The following SFI1 variants were observed in gnomAD, a reference collection of about 807,000 sequenced individuals.
The protein encoded by SFI1 is SFI1 centrin binding protein.
A neutral mutation model predicts 207.5 loss-of-function variants in SFI1; 195 were observed. That is an observed-to-expected ratio of 0.94 (90% CI 0.84 to 1.06). SFI1 has a LOEUF of 1.06. Among genes scored for constraint, SFI1 ranks in the 50% least tolerant of loss-of-function variants. The probability of loss-of-function intolerance (pLI) is 0.00; values close to 1 mark genes in which losing one functional copy is unlikely to be tolerated. For synonymous variants in SFI1, 630 were observed against 598.9 expected (o/e 1.05, Z -0.76); for missense variants, 1,634 against 1,588.0 (o/e 1.03, Z -0.49).
intron 8 of SFI1, among the ~76,000 whole-genome samples, chr22:31,569,451 G>A (rs1012839927): frequency 6.6e-6 from 1 of 152,110 alleles, no homozygotes; most frequent in African/African-American, 2.4e-5. Context: ...GGGGTCAGAG[G>A]AACAAGTTAA....
At chr22:31,498,742 A>G (rs1435589520) in intron 1 of SFI1, among the ~76,000 whole-genome samples, 2 of 152,098 alleles carry the variant, frequency 1.3e-5, no homozygotes, top group Non-Finnish European at 2.9e-5. Flanking sequence ...GGAGGAAGTA[A>G]CTGCAGATAT....
At chr22:31,501,920 C>A (rs1185038561) in intron 1 of SFI1, among the ~76,000 whole-genome samples, 1 of 152,052 alleles carries the variant, frequency 6.6e-6, no homozygotes, top group Non-Finnish European at 1.5e-5. Context: ...AGCACATTAG[C>A]TTCATTGACA....
chr22:31,519,225 AC>A (rs2056903260), intron 2 of SFI1, among the ~76,000 whole-genome samples: 2 of 151,804 alleles, frequency 1.3e-5, no homozygotes, highest in South Asian at 4.2e-4. Flanking sequence ...AGGAATTAAG[AC>A]TGAAAACCAG....
chr22:31,555,134 T>C (rs2061035704), intron 6 of SFI1, among the ~76,000 whole-genome samples: 1 of 129,488 alleles, frequency 7.7e-6, no homozygotes, highest in African/African-American at 3.3e-5. Flanking sequence ...TACATTCTGC[T>C]GTCTTATTTA....
chr22:31,611,643 C>T, intron 23 of SFI1, 123 bp from the exon 24 acceptor site: 1 of 986,904 alleles, frequency 1.0e-6, no homozygotes, highest in South Asian at 1.6e-5. Context: ...CCCCTGGCAC[C>T]ATCCAGGACT....
At chr22:31,616,489 G>A (rs1018064475) in intron 29 of SFI1, 2 of 423,840 alleles carry the variant, frequency 4.7e-6, no homozygotes, top group East Asian at 3.8e-5. Context: ...GGCAGTGGAG[G>A]CGTGAGGCGG....
At chr22:31,550,202 C>T (rs899964251) in intron 5 of SFI1, 52 bp from the exon 6 acceptor site, 125 of 1,478,084 alleles carry the variant, frequency 8.5e-5, no homozygotes, top group South Asian at 6.5e-4. Flanking sequence ...TGAGCCACCG[C>T]GCCCGGCCTG....
Position 31,546,966 on chromosome 22 carries a change from C to G in SFI1, c.444C>G (p.His148Gln). Reference sequence around the variant, plus strand: ...AACTCTGTGTTCGAGCTGACTGTCACTACAGGTCAGGTTTCATGTTACACT... The same window carrying G: ...AACTCTGTGTTCGAGCTGACTGTCAGTACAGGTCAGGTTTCATGTTACACT... ...EWKLCVRADCHYRYYLYNLMF... is the reference protein window; with the variant it reads ...EWKLCVRADCQYRYYLYNLMF... The change falls in exon 5 of 33, where the codon CAC (histidine) becomes CAG (glutamine). Residue 148 changes from histidine to glutamine, a missense_variant. Transcript: ENST00000400288. 1 of 1,604,014 alleles carries G rather than the reference C, an allele frequency of 6.2e-7. No individual in the cohort carries two copies. The highest frequency in any genetic ancestry group is 8.5e-7 in the Non-Finnish European group (1 of 1,173,264).
At chr22:31,573,502 A>G (rs1349663284) in intron 9 of SFI1, among the ~76,000 whole-genome samples, 2 of 151,380 alleles carry the variant, frequency 1.3e-5, no homozygotes, top group South Asian at 2.1e-4. Context: ...CAGTGGCGCA[A>G]TCTCGGCTCA....
intron 31 of SFI1, 100 bp from the exon 32 acceptor site, chr22:31,618,015 C>T (rs548848759): frequency 8.4e-5 from 113 of 1,347,042 alleles, no homozygotes; most frequent in South Asian, 8.2e-4. Flanking sequence ...TCTCTCCACC[C>T]GATACCCGCA....
chr22:31,527,236 C>T (rs917634098), intron 2 of SFI1, among the ~76,000 whole-genome samples: 1 of 152,138 alleles, frequency 6.6e-6, no homozygotes, highest in Non-Finnish European at 1.5e-5. Context: ...TTGCTTCTAC[C>T]TTTTGGCTGT....
chr22:31,532,318 C>G (rs559291006), intron 4 of SFI1, among the ~76,000 whole-genome samples: 1 of 152,034 alleles, frequency 6.6e-6, no homozygotes, highest in Non-Finnish European at 1.5e-5. Flanking sequence ...CAGTGCTGCC[C>G]ATTGCTGTGG....
At chr22:31,557,108 A>C in intron 7 of SFI1, 49 bp downstream of exon 7, 19 of 1,152,020 alleles carry the variant, frequency 1.6e-5, no homozygotes, top group Non-Finnish European at 2.0e-5. Context: ...ATTTTACCTC[A>C]TCAGCTTTAT....
At position 31,611,203 on chromosome 22, in the gene SFI1, G is replaced by C; in HGVS notation, c.2315G>C (p.Arg772Thr). 2 of 1,614,090 alleles carry C rather than the reference G, an allele frequency of 1.2e-6. No individual in the cohort carries two copies. The highest frequency in any genetic ancestry group is 1.7e-6 in the Non-Finnish European group (2 of 1,180,044). ...TGCAGCCGGAGGTCAGCCCAGCAGA[G>C]ACTGCAGCTGGAGAGGGCAGTGCAA... ...WDCSRRSAQQ[R>T]LQLERAVQHH... is the part of the protein sequence containing the mutation. Residue 772 changes from arginine to threonine, a missense_variant, in exon 23 of 33, where the codon AGA becomes ACA. Arg to Thr is a moderately conservative substitution (Grantham distance 71). Coordinates refer to ENST00000400288, the MANE Select transcript of SFI1 (RefSeq NM_001007467.3).
chr22:31,546,784 G>C lies in SFI1; in HGVS notation c.339-77G>C, dbSNP rs1968023. The stretch of plus-strand genomic sequence containing the variant: ...GCCCGGCTGTACTTTTTCATGAGAC[G>C]GCAAGAATATGTGATTTGGGAAGAG... On this transcript the variant is annotated intron_variant, in intron 4 of 32. Coordinates refer to ENST00000400288, the MANE Select transcript of SFI1 (RefSeq NM_001007467.3). 1.3e-5 allele frequency: 13 copies of C among 1,031,616 alleles called. 1 individual carries two copies. In the South Asian group the frequency reaches 2.2e-4, roughly 17 times the overall value. 63.9% of individuals were successfully genotyped at this position (1,031,616 alleles called of 1,614,324 possible).
chr22:31,552,596 T>G (rs1046445816), intron 6 of SFI1, among the ~76,000 whole-genome samples: 1 of 152,152 alleles, frequency 6.6e-6, no homozygotes, highest in Non-Finnish European at 1.5e-5. Flanking sequence ...TGAGGTTGAT[T>G]CCATGACTTT....
intron 15 of SFI1, among the ~76,000 whole-genome samples, chr22:31,594,004 G>GC (rs1569421872): frequency 2.5e-5 from 2 of 81,466 alleles, no homozygotes; most frequent in Non-Finnish European, 5.5e-5. Context: ...GAGGGAGAGG[G>GC]ACAGGGAGAG....
chr22:31,523,741 G>GA (rs930011764), intron 2 of SFI1, among the ~76,000 whole-genome samples: 2 of 151,964 alleles, frequency 1.3e-5, no homozygotes, highest in Non-Finnish European at 2.9e-5. Flanking sequence ...ATCTACAGGG[G>GA]AGGATACTGA....
At chr22:31,617,456 C>T (rs7287509) in intron 31 of SFI1, among the ~76,000 whole-genome samples, 8,387 of 152,238 alleles carry the variant, frequency 0.055, 211 homozygotes, top group Non-Finnish European at 0.065. Context: ...CGCAGTGACT[C>T]ACACCTGTCA....
Sources: allele counts gnomAD v4.1 joint callset (sites outside exome capture counted in the v4.1 genomes callset), GRCh38; gene constraint gnomAD v4.1.1; transcripts MANE v1.5; gene names NCBI Gene and HGNC (gene_info 2026-07-23, HGNC 2026-07-21).